EFHD1: variants seen among roughly 807,000 people sequenced by gnomAD.
The protein encoded by EFHD1 is EF-hand domain-containing protein D1.
A neutral mutation model predicts 17.2 loss-of-function variants in EFHD1; 10 were observed. That is an observed-to-expected ratio of 0.58 (90% CI 0.36 to 0.99). EFHD1 has a LOEUF of 0.99. EFHD1 is among the 50% of genes least tolerant of loss of function. EFHD1 has a pLI of 0.01. For synonymous variants in EFHD1, 153 were observed against 142.0 expected, an observed-to-expected ratio of 1.08 and a Z score of -0.55; for missense variants, 310 against 327.5, an observed-to-expected ratio of 0.95 and a Z score of 0.41.
At chr2:232,627,350 A>G (rs1366349921) in intron 1 of EFHD1, among the ~76,000 whole-genome samples, 1 of 152,024 alleles carries the variant, frequency 6.6e-6, no homozygotes, top group East Asian at 1.9e-4. Context: ...TGGATCTTAA[A>G]TGTGCAAGAC....
At chr2:232,608,088 G>T (rs1467948366) in intron 1 of EFHD1, among the ~76,000 whole-genome samples, 1 of 152,136 alleles carries the variant, frequency 6.6e-6, no homozygotes, top group Non-Finnish European at 1.5e-5. Context: ...AATTGCTGTA[G>T]GCCGGGCGTG....
intron 1 of EFHD1, among the ~76,000 whole-genome samples, chr2:232,648,505 A>G (rs911519824): frequency 1.3e-5 from 2 of 152,150 alleles, no homozygotes; most frequent in Non-Finnish European, 2.9e-5. Flanking sequence ...CCTTGCAGGC[A>G]GGGATGTAGG....
At chr2:232,652,984 T>A (rs1468613647) in intron 1 of EFHD1, among the ~76,000 whole-genome samples, 2 of 152,230 alleles carry the variant, frequency 1.3e-5, no homozygotes, top group South Asian at 4.2e-4. Flanking sequence ...ACTTTTTGTT[T>A]GGTGGGGTGG....
rs148515159 is a variant in EFHD1 at position 232,627,993 on chromosome 2, C to T, written c.14+21820C>T. Among the ~76,000 whole-genome samples the T allele has an allele frequency of 1.6e-3, 240 of 152,142 alleles. 1 individual carries two copies. Among genetic ancestry groups the T allele is most frequent in the Non-Finnish European group, 2.6e-3 (177 of 68,000 alleles). On this transcript the variant is annotated intron_variant, in intron 1 of 3. Coordinates refer to the EFHD1 transcript ENST00000409613. ...AGAATATTTACAATTTAATGAGGCACGGCAGGAAGAAACATGGAATGAAGA... is the reference window on the plus strand; with the variant it reads ...AGAATATTTACAATTTAATGAGGCATGGCAGGAAGAAACATGGAATGAAGA...
At chr2:232,631,782 G>T (rs185520574), upstream of EFHD1, among the ~76,000 whole-genome samples, 2 of 149,276 alleles carry the variant, frequency 1.3e-5, no homozygotes, top group African/African-American at 4.9e-5. Context: ...TGGGAGGATC[G>T]TCTGAGGCTA....
intron 3 of EFHD1, among the ~76,000 whole-genome samples, chr2:232,678,415 A>G (rs575156303): frequency 6.6e-6 from 1 of 152,354 alleles, no homozygotes; most frequent in South Asian, 2.1e-4. Flanking sequence ...AAATATCTCA[A>G]AGGTATTTGG....
upstream of EFHD1, among the ~76,000 whole-genome samples, chr2:232,632,146 G>A (rs1247043683): frequency 6.6e-6 from 1 of 152,100 alleles, no homozygotes; most frequent in East Asian, 1.9e-4. Context: ...ACCACCACCA[G>A]GTCAGGAAGT....
chr2:232,613,952 A>G (rs1044068022), intron 1 of EFHD1, among the ~76,000 whole-genome samples: 2 of 151,998 alleles, frequency 1.3e-5, no homozygotes, highest in Admixed American at 6.6e-5. Flanking sequence ...ACACATAAAT[A>G]TACACACACA....
chr2:232,608,099 G>T (rs1693752554), intron 1 of EFHD1, among the ~76,000 whole-genome samples: 1 of 152,198 alleles, frequency 6.6e-6, no homozygotes, highest in African/African-American at 2.4e-5. Flanking sequence ...GCCGGGCGTG[G>T]TGGCTCATGC....
intron 2 of EFHD1, among the ~76,000 whole-genome samples, chr2:232,670,196 G>C (rs1695041892): frequency 6.6e-6 from 1 of 152,106 alleles, no homozygotes; most frequent in African/African-American, 2.4e-5. Flanking sequence ...GGTGGCTCAT[G>C]CCTGCAATCC....
At chr2:232,606,259 G>A in intron 1 of EFHD1, 3 of 1,472,902 alleles carry the variant, frequency 2.0e-6, no homozygotes, top group Admixed American at 3.9e-5. Flanking sequence ...GTCCAGAATA[G>A]GTGCGCGGTA....
At chr2:232,636,236 G>T (rs1041327989) in intron 1 of EFHD1, among the ~76,000 whole-genome samples, 5 of 152,202 alleles carry the variant, frequency 3.3e-5, no homozygotes, top group Non-Finnish European at 7.3e-5. Context: ...CATGGCAGCA[G>T]CAGTCTTGTG....
intron 1 of EFHD1, among the ~76,000 whole-genome samples, chr2:232,607,831 C>CG (rs1693748432): frequency 6.7e-6 from 1 of 148,806 alleles, no homozygotes; most frequent in East Asian, 2.0e-4. Context: ...TGGTGGCTCA[C>CG]GCCTATGATC....
At chr2:232,636,948 C>T (rs2106195150) in intron 1 of EFHD1, among the ~76,000 whole-genome samples, 1 of 152,278 alleles carries the variant, frequency 6.6e-6, no homozygotes, top group South Asian at 2.1e-4. Context: ...GTGACCTGGC[C>T]TCTTGGTGAG....
intron 1 of EFHD1, among the ~76,000 whole-genome samples, chr2:232,613,007 A>T (rs1318146463): frequency 6.6e-6 from 1 of 152,076 alleles, no homozygotes; most frequent in Admixed American, 6.6e-5. Flanking sequence ...TGCTGGGATT[A>T]CAGGTGTGAG....
intron 1 of EFHD1, among the ~76,000 whole-genome samples, chr2:232,624,079 G>T (rs1332172068): frequency 1.3e-5 from 2 of 152,218 alleles, no homozygotes; most frequent in Non-Finnish European, 2.9e-5. Flanking sequence ...AGGGCTGTGG[G>T]GGTGGGGTCT....
chr2:232,612,070 T>G (rs1693824337), intron 1 of EFHD1: 2 of 152,222 alleles, frequency 1.3e-5, no homozygotes, highest in Admixed American at 6.5e-5. Flanking sequence ...CAGACTGATC[T>G]CCAACTCCTG....
chr2:232,625,882 A>T (rs1038889172), intron 1 of EFHD1, among the ~76,000 whole-genome samples: 1 of 151,048 alleles, frequency 6.6e-6, no homozygotes, highest in African/African-American at 2.4e-5. Flanking sequence ...TTAAAAAAAA[A>T]TTAATTGCAT....
At chr2:232,670,904 A>G (rs1289874603) in intron 2 of EFHD1, among the ~76,000 whole-genome samples, 3 of 152,250 alleles carry the variant, frequency 2.0e-5, no homozygotes, top group Non-Finnish European at 4.4e-5. Context: ...AATGAGACAC[A>G]CAAGAAAAGT....
Sources: gnomAD v4.1 joint callset for allele counts (sites outside exome capture counted in the v4.1 genomes callset) on GRCh38, gnomAD v4.1.1 for gene constraint, MANE v1.5 for transcripts, NCBI Gene and HGNC (gene_info 2026-07-23, HGNC 2026-07-21) for gene names.